Variants in RASSF3 observed in about 807,000 individuals in gnomAD.
RASSF3 encodes the protein Ras association domain family member 3, also known as ras association domain-containing protein 3.
In RASSF3, 19 loss-of-function variants were observed where a neutral mutation model predicts 19.9. That is an observed-to-expected ratio of 0.96 (90% CI 0.67 to 1.40). The LOEUF is 1.40. Among genes scored for constraint, RASSF3 ranks in the 40% most tolerant of loss-of-function variants. RASSF3 has a pLI of 0.00. For missense variants in RASSF3, 306 were observed against 289.8 expected (o/e 1.06, Z -0.41); for synonymous variants, 110 against 104.2 (o/e 1.06, Z -0.34).
chr12:64,643,618 C>T (rs1436298872), intron 1 of RASSF3, among the ~76,000 whole-genome samples: 1 of 151,818 alleles, frequency 6.6e-6, no homozygotes, highest in South Asian at 2.1e-4. Flanking sequence ...TATAATGTAT[C>T]ATTAAATATA....
chr12:64,572,369 A>C (rs1394402902), intron 2 of RASSF3, among the ~76,000 whole-genome samples: 1 of 152,152 alleles, frequency 6.6e-6, no homozygotes, highest in Non-Finnish European at 1.5e-5. Flanking sequence ...TTTGTCTGCC[A>C]TATAAAGACA....
At chr12:64,640,395 G>A (rs568819969) in intron 1 of RASSF3, among the ~76,000 whole-genome samples, 5 of 152,252 alleles carry the variant, frequency 3.3e-5, no homozygotes, top group African/African-American at 1.2e-4. Flanking sequence ...GTTGTACACA[G>A]ATCTCGAGGG....
At chr12:64,573,421 T>G (rs1473568780) in intron 2 of RASSF3, among the ~76,000 whole-genome samples, 2 of 152,230 alleles carry the variant, frequency 1.3e-5, no homozygotes, top group African/African-American at 4.8e-5. Context: ...TATTTCATGT[T>G]TACAACAATC....
intron 1 of RASSF3, among the ~76,000 whole-genome samples, chr12:64,631,254 C>T (rs1871156978): frequency 1.3e-5 from 2 of 152,008 alleles, no homozygotes; most frequent in Non-Finnish European, 2.9e-5. Context: ...TTGGGACCAC[C>T]TCAAGAACAA....
At chr12:64,517,842 C>T (rs1048919367) in intron 1 of RASSF3, among the ~76,000 whole-genome samples, 16 of 152,104 alleles carry the variant, frequency 1.1e-4, no homozygotes, top group African/African-American at 3.9e-4. Context: ...TGGTCTTGAA[C>T]TCCTGGGCTC....
chr12:64,679,128 T>G (rs1873022419), intron 1 of RASSF3, among the ~76,000 whole-genome samples: 1 of 152,258 alleles, frequency 6.6e-6, no homozygotes, highest in African/African-American at 2.4e-5. Flanking sequence ...AATGGCACGA[T>G]CTCAGCTCAC....
At chr12:64,694,653 A>G in intron 4 of RASSF3, 110 bp from the exon 5 acceptor site, 2 of 1,194,128 alleles carry the variant, frequency 1.7e-6, no homozygotes, top group Non-Finnish European at 2.4e-6. Flanking sequence ...CTTCTGCGGC[A>G]TGGGGCTGGG....
At chr12:64,516,934 G>T (rs1186365952) in intron 1 of RASSF3, among the ~76,000 whole-genome samples, 1 of 149,154 alleles carries the variant, frequency 6.7e-6, no homozygotes, top group African/African-American at 2.5e-5. Context: ...GGGAGGCAGA[G>T]GTTGCAGTGA....
At chr12:64,683,745 A>G (rs1471663189) in intron 1 of RASSF3, among the ~76,000 whole-genome samples, 1 of 152,226 alleles carries the variant, frequency 6.6e-6, no homozygotes, top group African/African-American at 2.4e-5. Context: ...GTTGTTTAAA[A>G]TAGAAATGGC....
intron 2 of RASSF3, among the ~76,000 whole-genome samples, chr12:64,591,681 C>T (rs545842474): frequency 6.6e-6 from 1 of 152,160 alleles, no homozygotes; most frequent in East Asian, 1.9e-4. Flanking sequence ...GTGTGCGTGC[C>T]TCTAAATATT....
At chr12:64,638,868 G>A (rs953226064) in intron 1 of RASSF3, among the ~76,000 whole-genome samples, 9 of 152,100 alleles carry the variant, frequency 5.9e-5, no homozygotes, top group South Asian at 2.1e-4. Flanking sequence ...TGCTGAACAC[G>A]CCATAGTGTG....
chr12:64,639,107 G>A (rs985850139), intron 1 of RASSF3, among the ~76,000 whole-genome samples: 1 of 152,214 alleles, frequency 6.6e-6, no homozygotes, highest in Non-Finnish European at 1.5e-5. Context: ...GAAATGGGAA[G>A]CTCTGAGGAT....
chr12:64,639,574 A>G (rs1388416918), intron 1 of RASSF3, among the ~76,000 whole-genome samples: 1 of 152,204 alleles, frequency 6.6e-6, no homozygotes, highest in African/African-American at 2.4e-5. Flanking sequence ...GGCATAAATC[A>G]TGACAAGGTC....
chr12:64,618,167 T>C (rs1870617479), intron 1 of RASSF3, among the ~76,000 whole-genome samples: 1 of 152,130 alleles, frequency 6.6e-6, no homozygotes, highest in Non-Finnish European at 1.5e-5. Flanking sequence ...GCAATTGTTA[T>C]TCACAGGCAT....
intron 1 of RASSF3, among the ~76,000 whole-genome samples, chr12:64,652,924 G>A (rs1872014510): frequency 6.6e-6 from 1 of 152,200 alleles, no homozygotes; most frequent in South Asian, 2.1e-4. Context: ...GGGGCTATAA[G>A]TTCTGGATTA....
At chr12:64,530,134 T>G (rs1346962533), upstream of RASSF3, among the ~76,000 whole-genome samples, 1 of 152,174 alleles carries the variant, frequency 6.6e-6, no homozygotes, top group Non-Finnish European at 1.5e-5. Context: ...AAGTAACCTC[T>G]GATCTGCTTT....
intron 1 of RASSF3, among the ~76,000 whole-genome samples, chr12:64,527,244 CAG>C (rs1174152507): frequency 6.6e-6 from 1 of 152,194 alleles, no homozygotes; most frequent in African/African-American, 2.4e-5. Flanking sequence ...GGACTAAGAA[CAG>C]GGCTTGAGGT....
intron 1 of RASSF3, among the ~76,000 whole-genome samples, chr12:64,522,997 C>T (rs1028166050): frequency 2.0e-5 from 3 of 152,150 alleles, no homozygotes; most frequent in African/African-American, 4.8e-5. Context: ...GGCACAGGGC[C>T]GGAGGGGTGG....
chr12:64,622,687 C>T, intron 1 of RASSF3: 1 of 254,996 alleles, frequency 3.9e-6, no homozygotes, highest in Admixed American at 5.4e-5. Context: ...TTTTTTCTTT[C>T]AGAATCTTTT....
Sources: gnomAD v4.1 joint callset for allele counts (sites outside exome capture counted in the v4.1 genomes callset) on GRCh38, gnomAD v4.1.1 for gene constraint, MANE v1.5 for transcripts, NCBI Gene and HGNC (gene_info 2026-07-23, HGNC 2026-07-21) for gene names.